The following NECAB2 variants were observed in gnomAD, a reference collection of about 807,000 sequenced individuals.
NECAB2 encodes N-terminal EF-hand calcium-binding protein 2.
A neutral mutation model predicts 51.9 loss-of-function variants in NECAB2; 68 were observed. That is an observed-to-expected ratio of 1.31 (90% confidence interval 1.08 to 1.60). NECAB2 has a LOEUF of 1.60. Ranked by LOEUF, NECAB2 falls within the 40% of genes most tolerant of loss-of-function variation. NECAB2 has a pLI of 0.00. For missense variants in NECAB2, 854 were observed against 490.3 expected (o/e 1.74, Z -7.00); for synonymous variants, 329 against 203.5 (o/e 1.62, Z -5.25).
chr16:84,002,549 T>A lies in NECAB2; in HGVS notation c.*203T>A. 1.5e-6 allele frequency: 1 copy of A among 670,176 alleles called. No individual in the cohort carries two copies. 41.5% of individuals were successfully genotyped at this position (670,176 alleles called of 1,614,324 possible). A position where few individuals can be genotyped will look rare whatever the true frequency, so the allele number is the denominator to read the frequency against. ...GAGCAGTGTCTGTGCTGCCAGGTCC[T>A]GGTGAAGCCCAAGGTTGAAGGGGGC... On this transcript the variant is annotated 3_prime_UTR_variant, in exon 13 of 13. Transcript: ENST00000305202.
intron 5 of NECAB2, among the ~76,000 whole-genome samples, chr16:83,982,944 C>G (rs1453005944): frequency 1.3e-5 from 2 of 151,880 alleles, no homozygotes; most frequent in African/African-American, 2.4e-5. Flanking sequence ...TGTCGCCTCA[C>G]TGCAACCTCT....
intron 10 of NECAB2, among the ~76,000 whole-genome samples, chr16:83,998,538 C>A (rs1235326949): frequency 1.3e-5 from 2 of 152,152 alleles, no homozygotes; most frequent in East Asian, 3.9e-4. Flanking sequence ...GCTTACTCAT[C>A]TGTAAAGGGG....
At chr16:83,978,682 C>G in intron 3 of NECAB2, 130 bp downstream of exon 3, 1 of 722,340 alleles carries the variant, frequency 1.4e-6, no homozygotes, top group Non-Finnish European at 2.3e-6. Context: ...TTTGCTAATC[C>G]AGAAGTCAGC....
At chr16:83,980,021 G>T (rs1368012864) in intron 3 of NECAB2, among the ~76,000 whole-genome samples, 2 of 152,218 alleles carry the variant, frequency 1.3e-5, no homozygotes, top group African/African-American at 4.8e-5. Flanking sequence ...GACAGAGCAT[G>T]CAGAGCCCCC....
At chr16:83,966,164 G>C (rs1163021227), upstream of NECAB2, 1 of 639,918 alleles carries the variant, frequency 1.6e-6, no homozygotes, top group African/African-American at 1.8e-5. Context: ...AGGCTGCCCT[G>C]GACTTAGACC....
chr16:83,999,134 C>G (rs888799555), intron 10 of NECAB2, among the ~76,000 whole-genome samples: 1 of 152,190 alleles, frequency 6.6e-6, no homozygotes, highest in Non-Finnish European at 1.5e-5. Context: ...TCTTCTTGGG[C>G]CCCCTGTGCA....
intron 6 of NECAB2, among the ~76,000 whole-genome samples, chr16:83,993,973 C>T (rs1033679095): frequency 5.9e-5 from 9 of 152,070 alleles, no homozygotes; most frequent in African/African-American, 1.4e-4. Flanking sequence ...TACACGTGCC[C>T]GAAAGCTTCG....
At chr16:83,966,085 C>G (rs1030944428), upstream of NECAB2, 2 of 1,204,256 alleles carry the variant, frequency 1.7e-6, no homozygotes, top group African/African-American at 1.5e-5. Flanking sequence ...AGGACCCGTC[C>G]AAAGATGCCC....
upstream of NECAB2, among the ~76,000 whole-genome samples, chr16:83,967,077 G>A (rs1363962393): frequency 6.6e-6 from 1 of 152,076 alleles, no homozygotes; most frequent in Non-Finnish European, 1.5e-5. Context: ...TCACCATGTT[G>A]GCCAGGCTGG....
rs2084444411 is a variant in NECAB2 at position 83,978,500 on chromosome 16, A to C, written c.283A>C (p.Asn95His). 6.2e-7 allele frequency: 1 copy of C among 1,613,860 alleles called. No homozygotes were observed. Among genetic ancestry groups the C allele is most frequent in the African/African-American group, 1.3e-5 (1 of 74,844 alleles). Residue 95 changes from asparagine (N) to histidine (H), a missense_variant, in exon 3 of 13, where the codon AAT (asparagine) becomes CAT (histidine). Transcript: ENST00000305202. ...FQLFFADGVL[N>H]EKELEDLFHT... ...GCTCTTCTTTGCAGATGGCGTCCTT[A>C]ATGAGAAAGAACTGGAGGATCTCTT...
Position 84,002,458 on chromosome 16 carries a change from T to G in NECAB2, c.*112T>G. On this transcript the variant is annotated 3_prime_UTR_variant, in exon 13 of 13. Coordinates refer to ENST00000305202, the MANE Select transcript of NECAB2 (RefSeq NM_019065.3). ...GCAGAAGCTTCTTTTCAATCCATCC[T>G]CCACAAGAAGGTGTTTCCCTGTTGT... 1 of 1,392,496 alleles carries G rather than the reference T, an allele frequency of 7.2e-7. No homozygotes were observed. The highest frequency in any genetic ancestry group is 1.2e-5 in the South Asian group (1 of 86,490). The allele number at this position is 1,392,496 out of a possible 1,614,324, so 86.3% of individuals were successfully genotyped here. A position where few individuals can be genotyped will look rare whatever the true frequency, so the allele number is the denominator to read the frequency against.
rs1225266110 is a variant in NECAB2 at position 84,002,462 on chromosome 16, C to CAAGAAGGTGTTTCCCTGTTGTTAAGTG, written c.*120_*146dup. Reference sequence around the variant, plus strand: ...AAGCTTCTTTTCAATCCATCCTCCACAAGAAGGTGTTTCCCTGTTGTTAAG... The same window carrying CAAGAAGGTGTTTCCCTGTTGTTAAGTG: ...AAGCTTCTTTTCAATCCATCCTCCACAAGAAGGTGTTTCCCTGTTGTTAAGTGAAGAAGGTGTTTCCCTGTTGTTAAG... On this transcript the variant is annotated 3_prime_UTR_variant, in exon 13 of 13. Coordinates refer to ENST00000305202, the MANE Select transcript of NECAB2 (RefSeq NM_019065.3). The CAAGAAGGTGTTTCCCTGTTGTTAAGTG allele has an allele frequency of 3.7e-6, 5 of 1,367,264 alleles. No individual in the cohort carries two copies. The highest frequency in any genetic ancestry group is 5.2e-6 in the Non-Finnish European group (5 of 966,766). The allele number at this position is 1,367,264 out of a possible 1,614,324, so 84.7% of individuals were successfully genotyped here. A position where few individuals can be genotyped will look rare whatever the true frequency, so the allele number is the denominator to read the frequency against.
chr16:83,987,361 C>T (rs1007158158), intron 5 of NECAB2, among the ~76,000 whole-genome samples: 1 of 152,114 alleles, frequency 6.6e-6, no homozygotes, highest in Admixed American at 6.5e-5. Flanking sequence ...CTTTGTGTTT[C>T]TAATGGTTTT....
rs2084483497 is a variant in NECAB2, at chr16:83,981,128, G to A, written c.459+1G>A. ...GAAGGCCATGGGTTATACCAAGAAG[G>A]TCAGTGGGTGTAGGTGGCCCCCGGG... is the stretch of plus-strand genomic sequence containing the variant. On this transcript the variant is annotated splice_donor_variant, in intron 5 of 12. Transcript: ENST00000305202. LOFTEE classifies it high-confidence loss of function. 1.2e-6 allele frequency: 2 copies of A among 1,611,482 alleles called. No homozygotes were observed. The highest frequency in any genetic ancestry group is 1.7e-6 in the Non-Finnish European group (2 of 1,179,294).
chr16:84,000,931 C>T lies in NECAB2; in HGVS notation c.1040+130C>T, dbSNP rs925533901. ...GTCAGCAGATTCCCGAGGCATCTACCCGCTGGCATGCTTGCGTCAGTAAAC... is the reference window on the plus strand; with the variant it reads ...GTCAGCAGATTCCCGAGGCATCTACTCGCTGGCATGCTTGCGTCAGTAAAC... On this transcript the variant is annotated intron_variant, in intron 11 of 12. Coordinates refer to ENST00000305202, the MANE Select transcript of NECAB2 (RefSeq NM_019065.3). 42 of 863,998 alleles carry T rather than the reference C, an allele frequency of 4.9e-5. 1 individual carries two copies. The South Asian group carries it at 6.1e-4, about 13-fold the overall frequency. The allele number at this position is 863,998 out of a possible 1,614,324, so 53.5% of individuals were successfully genotyped here.
At chr16:83,972,522 C>T (rs184337086) in intron 2 of NECAB2, among the ~76,000 whole-genome samples, 52 of 152,324 alleles carry the variant, frequency 3.4e-4, no homozygotes, top group African/African-American at 1.1e-3. Flanking sequence ...GGCCCAGAAA[C>T]CCTCCTTGAA....
chr16:83,976,807 G>A (rs1261978249), intron 2 of NECAB2, among the ~76,000 whole-genome samples: 1 of 152,198 alleles, frequency 6.6e-6, no homozygotes, highest in East Asian at 1.9e-4. Context: ...AAAAGTGGTG[G>A]CATGAAACCT....
chr16:83,970,284 G>A (rs1025328445), intron 1 of NECAB2, among the ~76,000 whole-genome samples: 13 of 151,932 alleles, frequency 8.6e-5, no homozygotes, highest in African/African-American at 2.7e-4. Flanking sequence ...TGTCACTCAT[G>A]TGTTCAGCAT....
intron 5 of NECAB2, among the ~76,000 whole-genome samples, chr16:83,982,880 T>G (rs897403199): frequency 1.2e-4 from 18 of 151,144 alleles, no homozygotes; most frequent in African/African-American, 4.4e-4. Flanking sequence ...TTTCTTTTTC[T>G]TTTTTTTTGA....
Sources: gnomAD v4.1 joint callset for allele counts (sites outside exome capture counted in the v4.1 genomes callset) on GRCh38, gnomAD v4.1.1 for gene constraint, MANE v1.5 for transcripts, NCBI Gene and HGNC (gene_info 2026-07-23, HGNC 2026-07-21) for gene names.